The following SLC38A6 variants were observed in gnomAD, a reference collection of about 807,000 sequenced individuals.
SLC38A6 encodes the protein solute carrier family 38 member 6.
Under a neutral mutation model 65.0 loss-of-function variants are expected in SLC38A6, and 73 were observed. The ratio of observed to expected loss-of-function variants is 1.12; its 90% CI spans 0.93 to 1.37. The LOEUF is 1.37. Ranked by LOEUF, SLC38A6 falls within the 40% of genes most tolerant of loss-of-function variation. SLC38A6 has a pLI of 0.00. For synonymous variants in SLC38A6, 183 were observed against 178.8 expected (o/e 1.02, Z -0.19); for missense variants, 561 against 531.1 (o/e 1.06, Z -0.55).
chr14:61,018,316 A>G (rs946005424), intron 4 of SLC38A6, among the ~76,000 whole-genome samples: 1 of 152,222 alleles, frequency 6.6e-6, no homozygotes, highest in Admixed American at 6.5e-5. Flanking sequence ...ACATTTTGGA[A>G]CTAAGTTTTA....
chr14:61,053,932 T>C (rs1408637247), downstream of SLC38A6, among the ~76,000 whole-genome samples: 1 of 152,146 alleles, frequency 6.6e-6, no homozygotes, highest in Non-Finnish European at 1.5e-5. Flanking sequence ...GGTGCCTTTG[T>C]CATGAAATCT....
intron 15 of SLC38A6, among the ~76,000 whole-genome samples, chr14:61,063,996 C>T (rs1349487353): frequency 6.6e-6 from 1 of 152,224 alleles, no homozygotes; most frequent in Non-Finnish European, 1.5e-5. Flanking sequence ...TTGCTTTCCA[C>T]TAAGGACATG....
chr14:61,017,335 G>A (rs575064990), intron 4 of SLC38A6, among the ~76,000 whole-genome samples: 13 of 152,230 alleles, frequency 8.5e-5, no homozygotes, highest in South Asian at 4.1e-4. Flanking sequence ...CACCGCGCCC[G>A]GCCCTAACTT....
Position 61,030,496 on chromosome 14 carries a change from C to T in SLC38A6, c.455C>T (p.Ala152Val), listed in dbSNP as rs2040910253. 6.2e-7 allele frequency: 1 copy of T among 1,610,642 alleles called. No homozygotes were observed. Among genetic ancestry groups the T allele is most frequent in the African/African-American group, 1.3e-5 (1 of 74,882 alleles). ...IIKTELPAAI[A>V]EFLTGDYSRY... ...AAAACAGAGCTTCCTGCTGCTATTG[C>T]AGAATTTTTGACTGGAGACTATAGT... is the stretch of plus-strand genomic sequence containing the variant. The change falls in exon 6 of 16, where the codon GCA becomes GTA. Residue 152 changes from alanine (A) to valine (V), a missense_variant. Transcript: ENST00000267488.
chr14:61,052,194 T>C, intron 15 of SLC38A6, 59 bp downstream of exon 15: 1 of 1,402,390 alleles, frequency 7.1e-7, no homozygotes, highest in Non-Finnish European at 9.6e-7. Context: ...GTTTGTCAGT[T>C]TATATTATTT....
chr14:61,014,492 G>GT (rs973807455), intron 3 of SLC38A6, among the ~76,000 whole-genome samples: 8 of 152,256 alleles, frequency 5.3e-5, no homozygotes, highest in Non-Finnish European at 8.8e-5. Flanking sequence ...TTTCTGCTCT[G>GT]TTTTTTCCCC....
At chr14:60,992,099 T>C (rs2037940149) in intron 3 of SLC38A6, among the ~76,000 whole-genome samples, 1 of 152,196 alleles carries the variant, frequency 6.6e-6, no homozygotes, top group South Asian at 2.1e-4. Flanking sequence ...CCACCAGGGT[T>C]CCATCTTTAT....
At chr14:61,015,860 A>G in intron 3 of SLC38A6, 44 bp from the exon 4 acceptor site, 1 of 1,517,618 alleles carries the variant, frequency 6.6e-7, no homozygotes, top group East Asian at 2.3e-5. Context: ...CCTGACACAT[A>G]AATAGTTTTG....
chr14:61,030,524 G>A lies in SLC38A6; in HGVS notation c.482+1G>A. 6.3e-7 allele frequency: 1 copy of A among 1,585,804 alleles called. No homozygotes were observed. Among genetic ancestry groups the A allele is most frequent in the Non-Finnish European group, 8.6e-7 (1 of 1,159,348 alleles). The stretch of plus-strand genomic sequence containing the variant: ...AATTTTTGACTGGAGACTATAGTAG[G>A]TAAGAAAAAGTATTTTACATTGTGT... On this transcript the variant is annotated splice_donor_variant, in intron 6 of 15. Transcript: ENST00000267488. LOFTEE classifies it high-confidence loss of function.
chr14:61,037,179 G>C (rs1297456811), intron 7 of SLC38A6, 38 bp downstream of exon 7: 3 of 1,425,958 alleles, frequency 2.1e-6, no homozygotes, highest in Non-Finnish European at 1.9e-6. Context: ...TTTAGAAAAA[G>C]GAAAGAAGGG....
At chr14:61,018,704 A>G (rs2139569317) in intron 4 of SLC38A6, among the ~76,000 whole-genome samples, 1 of 152,346 alleles carries the variant, frequency 6.6e-6, no homozygotes, top group East Asian at 1.9e-4. Flanking sequence ...CAGGAATCTC[A>G]TCAAAGATGA....
intron 3 of SLC38A6, among the ~76,000 whole-genome samples, chr14:61,012,797 C>T (rs1363941239): frequency 6.6e-6 from 1 of 152,200 alleles, no homozygotes; most frequent in Non-Finnish European, 1.5e-5. Flanking sequence ...GAGTGCTTTA[C>T]TTCCAACTAT....
chr14:61,052,741 A>G (rs1235627776), downstream of SLC38A6: 2 of 172,518 alleles, frequency 1.2e-5, no homozygotes, highest in African/African-American at 2.4e-5. Context: ...TTACCCCAAC[A>G]TACAGTTTCC....
Position 61,046,064 on chromosome 14 carries a change from T to C in SLC38A6, c.825-3T>C, listed in dbSNP as rs117135425. On this transcript the variant is annotated splice_region_variant and splice_polypyrimidine_tract_variant and intron_variant, in intron 11 of 15. Transcript: ENST00000267488. ...TTCTACCTTTGTCATTTTTGTCTTT[T>C]AGTCCTTCAAAGAAAAGAATGCAGA... 204 of 1,585,246 alleles carry C rather than the reference T, an allele frequency of 1.3e-4. No individual in the cohort carries two copies. In the East Asian group the frequency reaches 4.0e-3, roughly 31 times the overall value.
At chr14:60,991,638 C>T (rs1290704457) in intron 3 of SLC38A6, among the ~76,000 whole-genome samples, 3 of 152,184 alleles carry the variant, frequency 2.0e-5, no homozygotes, top group Non-Finnish European at 2.9e-5. Context: ...GACGTTTCTT[C>T]CCCCAGTTTC....
chr14:60,990,601 G>A (rs1454224898), intron 3 of SLC38A6, among the ~76,000 whole-genome samples: 2 of 151,974 alleles, frequency 1.3e-5, no homozygotes, highest in African/African-American at 4.8e-5. Context: ...CATCCTGCAT[G>A]TTCAGTCCAT....
intron 3 of SLC38A6, among the ~76,000 whole-genome samples, chr14:60,989,776 A>G (rs560824251): frequency 6.6e-6 from 1 of 152,042 alleles, no homozygotes; most frequent in African/African-American, 2.4e-5. Context: ...CTCTCCTCCC[A>G]CTCCTATCAG....
At chr14:61,072,385 C>G (rs1172111006) in intron 15 of SLC38A6, among the ~76,000 whole-genome samples, 2 of 152,088 alleles carry the variant, frequency 1.3e-5, no homozygotes, top group African/African-American at 4.8e-5. Context: ...TACAAACAAT[C>G]CAATTATACT....
intron 12 of SLC38A6, among the ~76,000 whole-genome samples, chr14:61,049,751 A>G (rs549521030): frequency 6.6e-6 from 1 of 152,108 alleles, no homozygotes; most frequent in Non-Finnish European, 1.5e-5. Context: ...GCACCATTCT[A>G]TTTTAAGTAC....
Sources: gnomAD v4.1 joint callset for allele counts (sites outside exome capture counted in the v4.1 genomes callset) on GRCh38, gnomAD v4.1.1 for gene constraint, MANE v1.5 for transcripts, NCBI Gene and HGNC (gene_info 2026-07-23, HGNC 2026-07-21) for gene names.